KIAA1217: variants seen among roughly 807,000 people sequenced by gnomAD.
KIAA1217 encodes KIAA1217.
Under a neutral mutation model 163.9 loss-of-function variants are expected in KIAA1217, and 88 were observed. That is an observed-to-expected ratio of 0.54 (90% confidence interval 0.45 to 0.64). KIAA1217 has a LOEUF of 0.64. Among genes scored for constraint, KIAA1217 ranks in the 30% least tolerant of loss-of-function variants. KIAA1217 has a pLI of 0.00. For missense variants in KIAA1217, 2,372 were observed against 2,475.0 expected, an observed-to-expected ratio of 0.96 and a Z score of 0.88; for synonymous variants, 903 against 923.1, an observed-to-expected ratio of 0.98 and a Z score of 0.39.
At chr10:23,736,632 C>T (rs780522855) in intron 1 of KIAA1217, among the ~76,000 whole-genome samples, 4 of 152,130 alleles carry the variant, frequency 2.6e-5, no homozygotes, top group African/African-American at 9.7e-5. Flanking sequence ...AAATGATTCT[C>T]CCACCTCAGC....
intron 1 of KIAA1217, among the ~76,000 whole-genome samples, chr10:23,796,856 A>G (rs150951928): frequency 6.6e-6 from 1 of 152,198 alleles, no homozygotes; most frequent in East Asian, 1.9e-4. Context: ...GTATACATAC[A>G]TACATAAATA....
chr10:24,057,908 T>C lies in KIAA1217; in HGVS notation c.-171+50534T>C, dbSNP rs199728884. 2.3e-4 allele frequency among the ~76,000 whole-genome samples: 35 copies of C among 152,342 alleles called. No individual in the cohort carries two copies. The East Asian group carries it at 6.4e-3, about 28-fold the overall frequency. On this transcript the variant is annotated intron_variant, in intron 2 of 18. Coordinates refer to the KIAA1217 transcript ENST00000376462. ...TGTGCAGAAGCCTTTTAGTTTGATG[T>C]AGTCCCACTTGTCTATTTTTGTTTT...
intron 10 of KIAA1217, among the ~76,000 whole-genome samples, chr10:24,517,700 C>T (rs2070411727): frequency 6.6e-6 from 1 of 152,128 alleles, no homozygotes; most frequent in Admixed American, 6.6e-5. Flanking sequence ...GGGCCTAAAA[C>T]TGTGAAGAGA....
chr10:23,718,036 C>T (rs1348842729), intron 1 of KIAA1217, among the ~76,000 whole-genome samples: 1 of 152,188 alleles, frequency 6.6e-6, no homozygotes, highest in African/African-American at 2.4e-5. Context: ...ATTGGTTCGT[C>T]TAAGTCCTCC....
chr10:24,126,274 T>C lies in KIAA1217; in HGVS notation c.-170-93352T>C, dbSNP rs146476060. 4.9e-3 allele frequency among the ~76,000 whole-genome samples: 750 copies of C among 152,324 alleles called. 2 individuals carry two copies. Among genetic ancestry groups the C allele is most frequent in the Non-Finnish European group, 6.8e-3 (462 of 68,014 alleles). On this transcript the variant is annotated intron_variant, in intron 2 of 18. Transcript: ENST00000376462. ...TGTCTTTCAGATCATTGATTATGCTTCAACTTTGTCTGAACAGCTGTTTCA... is the reference window on the plus strand; with the variant it reads ...TGTCTTTCAGATCATTGATTATGCTCCAACTTTGTCTGAACAGCTGTTTCA...
chr10:24,413,961 C>T (rs1343071538), intron 3 of KIAA1217, among the ~76,000 whole-genome samples: 1 of 152,160 alleles, frequency 6.6e-6, no homozygotes, highest in Non-Finnish European at 1.5e-5. Context: ...TCTGAGCTTA[C>T]CATCGTATCC....
intron 2 of KIAA1217, among the ~76,000 whole-genome samples, chr10:24,015,857 A>G (rs972192091): frequency 6.6e-6 from 1 of 152,038 alleles, no homozygotes; most frequent in South Asian, 2.1e-4. Context: ...TAAGGCCACA[A>G]AGTAACTTCA....
intron 1 of KIAA1217, among the ~76,000 whole-genome samples, chr10:23,701,533 T>C (rs1472578314): frequency 6.6e-6 from 1 of 152,172 alleles, no homozygotes; most frequent in African/African-American, 2.4e-5. Flanking sequence ...CTGTTCTCAC[T>C]GATGGCCTCC....
intron 19 of KIAA1217, among the ~76,000 whole-genome samples, 173 bp from the exon 20 acceptor site, chr10:24,544,808 T>C (rs2075533619): frequency 2.6e-5 from 4 of 152,324 alleles, no homozygotes; most frequent in Non-Finnish European, 5.9e-5. Context: ...TAGTGAGCAG[T>C]TGATTCTGTT....
chr10:23,791,830 C>T (rs1835963007), intron 1 of KIAA1217, among the ~76,000 whole-genome samples: 1 of 152,204 alleles, frequency 6.6e-6, no homozygotes, highest in Admixed American at 6.5e-5. Context: ...CCACAGCCTA[C>T]ATCAGCATTA....
intron 1 of KIAA1217, among the ~76,000 whole-genome samples, chr10:23,915,795 TG>T (rs1306337499): frequency 6.6e-6 from 1 of 152,162 alleles, no homozygotes; most frequent in Non-Finnish European, 1.5e-5. Flanking sequence ...GAGGAAAGTT[TG>T]GGCAGAGAGG....
intron 12 of KIAA1217, 23 bp from the exon 13 acceptor site, chr10:24,524,300 C>T: frequency 6.3e-7 from 1 of 1,592,344 alleles, no homozygotes; most frequent in Non-Finnish European, 8.6e-7. Context: ...AGGGTTAATG[C>T]CGCTGTGCAT....
At chr10:24,101,047 C>CAACAA (rs929875363) in intron 2 of KIAA1217, among the ~76,000 whole-genome samples, 1 of 151,988 alleles carries the variant, frequency 6.6e-6, no homozygotes, top group Admixed American at 6.6e-5. Context: ...TTCTTTTTCT[C>CAACAA]AACAAAACAA....
intron 2 of KIAA1217, among the ~76,000 whole-genome samples, chr10:24,310,551 T>G (rs1203255720): frequency 6.6e-6 from 1 of 152,106 alleles, no homozygotes; most frequent in Non-Finnish European, 1.5e-5. Context: ...TATTTTAGAG[T>G]TTGAAATCAC....
intron 3 of KIAA1217, among the ~76,000 whole-genome samples, chr10:24,397,334 C>T (rs1284019881): frequency 1.3e-5 from 2 of 152,118 alleles, no homozygotes; most frequent in Admixed American, 6.5e-5. Context: ...GCGATCCACC[C>T]GGCTTGGCCT....
chr10:24,136,661 A>G (rs948179051), intron 2 of KIAA1217, among the ~76,000 whole-genome samples: 1 of 152,166 alleles, frequency 6.6e-6, no homozygotes, highest in African/African-American at 2.4e-5. Flanking sequence ...GTGAGTTTAT[A>G]GTCATGCAAA....
intron 2 of KIAA1217, among the ~76,000 whole-genome samples, chr10:24,336,645 T>C (rs75975575): frequency 0.016 from 2,499 of 152,316 alleles, 37 homozygotes; most frequent in Non-Finnish European, 0.024. Flanking sequence ...TGCTGAGCTA[T>C]CTATACTTTG....
chr10:24,512,957 T>C (rs902031081), intron 9 of KIAA1217, among the ~76,000 whole-genome samples: 4 of 152,212 alleles, frequency 2.6e-5, no homozygotes, highest in African/African-American at 7.2e-5. Flanking sequence ...TGCCCTGTGC[T>C]GCTCCCTCTA....
intron 6 of KIAA1217, chr10:24,482,843 G>T (rs1284992937): frequency 6.6e-6 from 1 of 152,194 alleles, no homozygotes; most frequent in Non-Finnish European, 1.5e-5. Context: ...AACAGAGTGA[G>T]ATCCCATCTC....
Sources: allele counts gnomAD v4.1 joint callset (sites outside exome capture counted in the v4.1 genomes callset), GRCh38; gene constraint gnomAD v4.1.1; transcripts MANE v1.5; gene names NCBI Gene and HGNC (gene_info 2026-07-23, HGNC 2026-07-21).